TMBIM6: variants seen among roughly 807,000 people sequenced by gnomAD.
TMBIM6 encodes bax inhibitor 1.
A neutral mutation model predicts 31.4 loss-of-function variants in TMBIM6; 13 were observed. That is an observed-to-expected ratio of 0.41 (90% confidence interval 0.27 to 0.66). TMBIM6 has a LOEUF of 0.66. Ranked by LOEUF, TMBIM6 falls within the 30% of genes least tolerant of loss-of-function variation. The pLI, the probability that TMBIM6 is intolerant of heterozygous loss-of-function variation, is 0.28. For missense variants in TMBIM6, 275 were observed against 289.5 expected, an observed-to-expected ratio of 0.95 and a Z score of 0.36; for synonymous variants, 85 against 101.7, an observed-to-expected ratio of 0.84 and a Z score of 0.99.
At chr12:49,759,972 C>A (rs1313453658) in intron 8 of TMBIM6, among the ~76,000 whole-genome samples, 1 of 151,258 alleles carries the variant, frequency 6.6e-6, no homozygotes, top group Non-Finnish European at 1.5e-5. Context: ...ATTAGTCGGG[C>A]GTGGTGGCGG....
At chr12:49,759,373 C>G in intron 8 of TMBIM6, 52 bp downstream of exon 8, 2 of 1,502,324 alleles carry the variant, frequency 1.3e-6, no homozygotes, top group Admixed American at 1.7e-5. Context: ...GCATACCGTT[C>G]AGCAGCTGAA....
intron 1 of TMBIM6, among the ~76,000 whole-genome samples, chr12:49,751,508 CA>C (rs35031137): frequency 2.7e-4 from 41 of 151,918 alleles, no homozygotes; most frequent in African/African-American, 8.2e-4. Context: ...CTGAAACTGT[CA>C]AAAAAATACC....
intron 1 of TMBIM6, among the ~76,000 whole-genome samples, chr12:49,748,997 G>A (rs1335979659): frequency 2.0e-5 from 3 of 152,158 alleles, no homozygotes; most frequent in African/African-American, 7.2e-5. Context: ...AGAGCTGATT[G>A]CTCCTAGAAT....
intron 1 of TMBIM6, among the ~76,000 whole-genome samples, chr12:49,749,441 G>GTTTT (rs61667487): frequency 1.4e-4 from 21 of 146,118 alleles, no homozygotes; most frequent in African/African-American, 5.6e-4. Flanking sequence ...AGTCATTTTT[G>GTTTT]TTTTTTTTTG....
chr12:49,761,921 C>T (rs1190347935), intron 9 of TMBIM6, 142 bp downstream of exon 9: 1 of 722,270 alleles, frequency 1.4e-6, no homozygotes, highest in East Asian at 3.0e-5. Context: ...AAGAGGTAAG[C>T]CAGAAGTCTT....
chr12:49,756,954 G>A lies in TMBIM6; in HGVS notation c.286+1199G>A, dbSNP rs562853350. On this transcript the variant is annotated intron_variant, in intron 4 of 9. Transcript: ENST00000267115. ...CCACTATGTTGGCCAGGCTGGTCTC[G>A]AACTCCTGACCTCGTGATCCGCCCA... 1.1e-4 allele frequency among the ~76,000 whole-genome samples: 17 copies of A among 151,770 alleles called. No homozygotes were observed. The East Asian group carries it at 1.2e-3, about 10-fold the overall frequency.
Position 49,762,995 on chromosome 12 carries a change from G to A in TMBIM6, c.*99G>A, listed in dbSNP as rs1430741676. 7.5e-7 allele frequency: 1 copy of A among 1,327,010 alleles called. No homozygotes were observed. Among genetic ancestry groups the A allele is most frequent in the African/African-American group, 1.5e-5 (1 of 68,272 alleles). The allele number at this position is 1,327,010 out of a possible 1,614,324, so 82.2% of individuals were successfully genotyped here. ...GTGGTGTGTTCTGTGATAATGAAAA[G>A]CATCAGAAAAGCTTTTGTACTTTGT... On this transcript the variant is annotated 3_prime_UTR_variant, in exon 10 of 10. Coordinates refer to ENST00000267115, the MANE Select transcript of TMBIM6 (RefSeq NM_003217.3).
rs199859302 is a variant in TMBIM6, at chr12:49,753,048, G to A, written c.132G>A (p.Gly44=). The A allele has an allele frequency of 1.9e-5, 30 of 1,613,994 alleles. No homozygotes were observed. The East Asian group carries it at 6.7e-4, about 36-fold the overall frequency. The change falls in exon 3 of 10, where the codon GGG becomes GGA. Residue 44 remains glycine, a synonymous_variant. Coordinates refer to ENST00000267115, the MANE Select transcript of TMBIM6 (RefSeq NM_003217.3). The part of the protein sequence containing the change: ...FALCMFVAAA[G]AYVHMVTHFI... ...TTTGTATGTTTGTGGCGGCTGCAGG[G>A]GCCTATGTCCATATGGTCACTCATT... is the stretch of plus-strand genomic sequence containing the variant.
chr12:49,755,679 G>T lies in TMBIM6; in HGVS notation c.210G>T (p.Trp70Cys), dbSNP rs750318259. The change falls in exon 4 of 10, where the codon TGG (tryptophan) becomes TGT (cysteine). Residue 70 changes from tryptophan to cysteine, a missense_variant. By Grantham distance (215) the Trp-to-Cys change is radical. Coordinates refer to ENST00000267115, the MANE Select transcript of TMBIM6 (RefSeq NM_003217.3). ...SALGSLILMI[W>C]LMATPHSHET... Reference sequence around the variant, plus strand: ...TGGGCTCCCTGATATTGATGATTTGGCTGATGGCAACACCTCATAGCCATG... The same window carrying T: ...TGGGCTCCCTGATATTGATGATTTGTCTGATGGCAACACCTCATAGCCATG... The T allele has an allele frequency of 1.9e-6, 3 of 1,614,134 alleles. No homozygotes were observed. In the Admixed American group the frequency reaches 5.0e-5, roughly 27 times the overall value.
At chr12:49,742,014 G>T in intron 1 of TMBIM6, 2 of 1,392,846 alleles carry the variant, frequency 1.4e-6, no homozygotes, top group Non-Finnish European at 1.9e-6. Context: ...TCCTTCCGAG[G>T]TGAAGGAACG....
chr12:49,761,262 T>C (rs1945713892), intron 8 of TMBIM6, among the ~76,000 whole-genome samples: 1 of 152,036 alleles, frequency 6.6e-6, no homozygotes. Flanking sequence ...CAAGCTGCAG[T>C]AGGAGAGTGG....
chr12:49,741,955 A>T, intron 1 of TMBIM6: 1 of 884,082 alleles, frequency 1.1e-6, no homozygotes, highest in Non-Finnish European at 1.7e-6. Flanking sequence ...TACTAAGTGT[A>T]GACGCAGGGC....
Position 49,755,658 on chromosome 12 carries a change from C to T in TMBIM6, c.189C>T (p.Gly63=), listed in dbSNP as rs774157530. The T allele has an allele frequency of 1.9e-5, 31 of 1,613,982 alleles. No individual in the cohort carries two copies. Among genetic ancestry groups the T allele is most frequent in the Middle Eastern group, 3.3e-4 (2 of 6,084 alleles). ...AGGCTGGCCTGCTGTCTGCCTTGGGCTCCCTGATATTGATGATTTGGCTGA... is the reference window on the plus strand; with the variant it reads ...AGGCTGGCCTGCTGTCTGCCTTGGGTTCCCTGATATTGATGATTTGGCTGA... ...FIQAGLLSAL[G]SLILMIWLMA... is the part of the protein sequence containing the mutation. The change falls in exon 4 of 10, where the codon GGC becomes GGT. Residue 63 remains glycine (G), a synonymous_variant. Transcript: ENST00000267115.
intron 1 of TMBIM6, among the ~76,000 whole-genome samples, chr12:49,748,626 C>G (rs1365398378): frequency 1.3e-5 from 2 of 152,152 alleles, no homozygotes; most frequent in Non-Finnish European, 1.5e-5. Context: ...ACAGGAGGCT[C>G]TGAATGAAAT....
At chr12:49,758,110 C>T (rs1945640213) in intron 4 of TMBIM6, 117 bp from the exon 5 acceptor site, 1 of 1,056,806 alleles carries the variant, frequency 9.5e-7, no homozygotes, top group East Asian at 2.4e-5. Context: ...AGATTTAATT[C>T]TTTAGTCCAC....
chr12:49,742,600 G>A (rs1273101441), intron 1 of TMBIM6: 1 of 222,444 alleles, frequency 4.5e-6, no homozygotes, highest in Non-Finnish European at 8.8e-6. Flanking sequence ...AGGATTTTAA[G>A]GTCAAAGGTA....
At chr12:49,748,219 G>A (rs968868344) in intron 1 of TMBIM6, among the ~76,000 whole-genome samples, 5 of 150,808 alleles carry the variant, frequency 3.3e-5, no homozygotes, top group African/African-American at 1.2e-4. Context: ...TTTTTGTTTT[G>A]TTTTGTTTTG....
At chr12:49,742,420 T>TAA in intron 1 of TMBIM6, 3 of 1,205,732 alleles carry the variant, frequency 2.5e-6, no homozygotes, top group Non-Finnish European at 1.1e-6. Flanking sequence ...GGTATCTTTG[T>TAA]ATATTTACTG....
At chr12:49,750,898 T>C (rs767143973) in intron 1 of TMBIM6, among the ~76,000 whole-genome samples, 12 of 152,168 alleles carry the variant, frequency 7.9e-5, no homozygotes, top group Non-Finnish European at 1.8e-4. Context: ...TTGTTCTGAG[T>C]GTTGGGCTGG....
Sources: allele counts gnomAD v4.1 joint callset (sites outside exome capture counted in the v4.1 genomes callset), GRCh38; gene constraint gnomAD v4.1.1; transcripts MANE v1.5; gene names NCBI Gene and HGNC (gene_info 2026-07-23, HGNC 2026-07-21).